Variants in ARHGAP28 observed in about 807,000 individuals in gnomAD.
ARHGAP28 encodes the protein Rho GTPase activating protein 28.
A neutral mutation model predicts 90.7 loss-of-function variants in ARHGAP28; 56 were observed. The ratio of observed to expected loss-of-function variants is 0.62; its 90% CI spans 0.50 to 0.77. The LOEUF is 0.77. Ranked by LOEUF, ARHGAP28 falls within the 30% of genes least tolerant of loss-of-function variation. ARHGAP28 has a pLI of 0.00. For synonymous variants in ARHGAP28, 308 were observed against 323.3 expected (o/e 0.95, Z 0.51); for missense variants, 869 against 900.9 (o/e 0.96, Z 0.45).
intron 10 of ARHGAP28, among the ~76,000 whole-genome samples, chr18:6,878,338 A>C (rs1785287): frequency 9.3e-6 from 1 of 107,342 alleles, no homozygotes; most frequent in African/African-American, 3.8e-5. Context: ...CACTCTGGGG[A>C]CTGTTGTGGG....
intron 1 of ARHGAP28, among the ~76,000 whole-genome samples, chr18:6,769,897 T>C (rs2056228848): frequency 6.6e-6 from 1 of 152,252 alleles, no homozygotes; most frequent in South Asian, 2.1e-4. Flanking sequence ...TCCTTTATTA[T>C]TTATTTTGGA....
intron 3 of ARHGAP28, among the ~76,000 whole-genome samples, chr18:6,839,642 T>TC (rs1022247444): frequency 3.9e-5 from 6 of 152,096 alleles, no homozygotes; most frequent in Admixed American, 2.0e-4. Context: ...TAAGTCAGCC[T>TC]CCCCCTTCAC....
At chr18:6,897,495 A>C (rs2057312921) in intron 16 of ARHGAP28, 1 of 152,218 alleles carries the variant, frequency 6.6e-6, no homozygotes, top group African/African-American at 2.4e-5. Context: ...GGACATGCTT[A>C]CTAAAGAATA....
chr18:6,873,362 A>ATGGC (rs1271284199), intron 7 of ARHGAP28, 47 bp from the exon 8 acceptor site: 1 of 1,542,358 alleles, frequency 6.5e-7, no homozygotes, highest in East Asian at 2.2e-5. Flanking sequence ...AACGCATAAT[A>ATGGC]ATTTTCCTTT....
At chr18:6,868,277 G>C (rs376336677) in intron 6 of ARHGAP28, 43 bp downstream of exon 6, 2 of 1,556,168 alleles carry the variant, frequency 1.3e-6, no homozygotes. Context: ...GTGTCTTCTC[G>C]CTTTTGTTCT....
intron 10 of ARHGAP28, among the ~76,000 whole-genome samples, chr18:6,877,521 C>T (rs1031487263): frequency 1.3e-5 from 2 of 152,176 alleles, no homozygotes; most frequent in Non-Finnish European, 2.9e-5. Flanking sequence ...GAGTCGGCTA[C>T]CTGGGCTTTT....
rs758054061 is a variant in ARHGAP28, at chr18:6,882,311, A to G, written c.1453+12A>G. On this transcript the variant is annotated intron_variant, in intron 11 of 17. Coordinates refer to ENST00000383472, the MANE Select transcript of ARHGAP28 (RefSeq NM_001366230.1). Reference sequence around the variant, plus strand: ...CAGTCTAATGGAAAGTAGGTGGAAGACGTTATATGTGAATACGCTAAGATA... The same window carrying G: ...CAGTCTAATGGAAAGTAGGTGGAAGGCGTTATATGTGAATACGCTAAGATA... The G allele has an allele frequency of 3.7e-6, 6 of 1,606,520 alleles. No homozygotes were observed. The South Asian group carries it at 6.7e-5, about 18-fold the overall frequency.
At chr18:6,890,285 T>G (rs1467341826) in intron 13 of ARHGAP28, 145 bp from the exon 14 acceptor site, 2 of 773,864 alleles carry the variant, frequency 2.6e-6, no homozygotes, top group Non-Finnish European at 4.2e-6. Flanking sequence ...CACATAATTT[T>G]TTCTAAACTT....
chr18:6,829,364 C>T (rs539664475), intron 2 of ARHGAP28, among the ~76,000 whole-genome samples: 3 of 152,300 alleles, frequency 2.0e-5, no homozygotes, highest in Non-Finnish European at 4.4e-5. Flanking sequence ...CTCTCTTCTC[C>T]AATAGTGATA....
chr18:6,757,200 T>C (rs1164446327), intron 1 of ARHGAP28, among the ~76,000 whole-genome samples: 1 of 152,086 alleles, frequency 6.6e-6, no homozygotes, highest in East Asian at 1.9e-4. Context: ...AACAGCAGTA[T>C]TTTTTGGAAA....
intron 1 of ARHGAP28, among the ~76,000 whole-genome samples, chr18:6,736,103 T>C (rs2055924895): frequency 1.3e-5 from 2 of 152,234 alleles, no homozygotes; most frequent in African/African-American, 4.8e-5. Context: ...TTTTAGCATT[T>C]ATCTGTGGAT....
chr18:6,909,211 A>G (rs2057380741), intron 17 of ARHGAP28, among the ~76,000 whole-genome samples, 187 bp downstream of exon 17: 1 of 151,986 alleles, frequency 6.6e-6, no homozygotes, highest in Non-Finnish European at 1.5e-5. Context: ...CAAAATTTAA[A>G]TGAGAATATT....
intron 6 of ARHGAP28, 31 bp from the exon 7 acceptor site, chr18:6,870,559 A>T: frequency 1.3e-6 from 2 of 1,562,340 alleles, no homozygotes; most frequent in Non-Finnish European, 1.7e-6. Context: ...ATAGCATATT[A>T]AATAGTCTGT....
At chr18:6,899,108 C>T (rs2057324818) in intron 16 of ARHGAP28, among the ~76,000 whole-genome samples, 1 of 152,074 alleles carries the variant, frequency 6.6e-6, no homozygotes, top group Non-Finnish European at 1.5e-5. Flanking sequence ...AGAACTATGG[C>T]CTATTTCAGT....
At position 6,816,372 on chromosome 18, in the gene ARHGAP28, C is replaced by T. The variant is rs145463504; in HGVS notation, c.123-8390C>T. Among the ~76,000 whole-genome samples, 305 of 152,276 alleles carry T rather than the reference C, an allele frequency of 2.0e-3. 1 individual carries two copies. The highest frequency in any genetic ancestry group is 7.1e-3 in the African/African-American group (296 of 41,552). Reference sequence around the variant, plus strand: ...GATTTGTCCTCTTGCTCTATCTGAACGGCCTTCTGAGGAAGCTAAAAGGGC... The same window carrying T: ...GATTTGTCCTCTTGCTCTATCTGAATGGCCTTCTGAGGAAGCTAAAAGGGC... On this transcript the variant is annotated intron_variant, in intron 1 of 17. Transcript: ENST00000383472.
At chr18:6,864,866 G>A (rs1416965854) in intron 5 of ARHGAP28, among the ~76,000 whole-genome samples, 2 of 150,700 alleles carry the variant, frequency 1.3e-5, no homozygotes, top group African/African-American at 4.9e-5. Context: ...TTTTTTTTAA[G>A]TAGAGATGAG....
intron 1 of ARHGAP28, among the ~76,000 whole-genome samples, chr18:6,751,031 A>T (rs962157801): frequency 2.0e-5 from 3 of 152,060 alleles, no homozygotes; most frequent in Non-Finnish European, 4.4e-5. Flanking sequence ...CTACCCCTGC[A>T]CTGGACTGCA....
intron 1 of ARHGAP28, among the ~76,000 whole-genome samples, chr18:6,751,612 C>T (rs1012719141): frequency 1.3e-5 from 2 of 152,146 alleles, no homozygotes; most frequent in East Asian, 1.9e-4. Context: ...AGGCAAAATT[C>T]TCTGTGCTAA....
chr18:6,854,761 AGCTGCCC>A (rs2056939167), intron 4 of ARHGAP28, among the ~76,000 whole-genome samples: 1 of 151,146 alleles, frequency 6.6e-6, no homozygotes, highest in South Asian at 2.1e-4. Context: ...GCCCACCTGC[AGCTGCCC>A]ACCTGCAGCT....
Sources: gnomAD v4.1 joint callset for allele counts (sites outside exome capture counted in the v4.1 genomes callset) on GRCh38, gnomAD v4.1.1 for gene constraint, MANE v1.5 for transcripts, NCBI Gene and HGNC (gene_info 2026-07-23, HGNC 2026-07-21) for gene names.